SLC35F3: variants seen among roughly 807,000 people sequenced by gnomAD.
The protein encoded by SLC35F3 is putative thiamine transporter SLC35F3.
Under a neutral mutation model 49.9 loss-of-function variants are expected in SLC35F3, and 25 were observed. The observed-to-expected ratio is 0.50, with a 90% CI of 0.37 to 0.70. The LOEUF (loss-of-function observed/expected upper bound fraction) is 0.70. Ranked by LOEUF, SLC35F3 falls within the 30% of genes least tolerant of loss-of-function variation. The pLI, the probability that SLC35F3 is intolerant of heterozygous loss-of-function variation, is 0.00. For missense variants in SLC35F3, 525 were observed against 639.8 expected (o/e 0.82, Z 1.94); for synonymous variants, 275 against 265.4 (o/e 1.04, Z -0.35).
At chr1:234,194,121 A>G (rs1220840081) in intron 2 of SLC35F3, among the ~76,000 whole-genome samples, 2 of 128,168 alleles carry the variant, frequency 1.6e-5, no homozygotes, top group Admixed American at 7.7e-5. Context: ...TACCCAGAGG[A>G]AAAGAAGTCA....
chr1:233,918,844 T>TTG (rs1662015572), intron 2 of SLC35F3, among the ~76,000 whole-genome samples: 1 of 150,094 alleles, frequency 6.7e-6, no homozygotes, highest in East Asian at 2.0e-4. Flanking sequence ...ATTTGTGTGT[T>TTG]TGTGTGTGTG....
intron 2 of SLC35F3, among the ~76,000 whole-genome samples, chr1:233,958,118 A>G (rs953971788): frequency 1.3e-5 from 2 of 152,292 alleles, no homozygotes; most frequent in Non-Finnish European, 2.9e-5. Context: ...CATGGACATA[A>G]TGTCACCACT....
chr1:234,015,561 A>G (rs1663790870), intron 2 of SLC35F3, among the ~76,000 whole-genome samples: 1 of 152,190 alleles, frequency 6.6e-6, no homozygotes, highest in Non-Finnish European at 1.5e-5. Context: ...TATGGGGGAA[A>G]GGTCAGTCTC....
At chr1:234,281,670 A>G (rs537353703) in intron 3 of SLC35F3, among the ~76,000 whole-genome samples, 1 of 152,358 alleles carries the variant, frequency 6.6e-6, no homozygotes, top group African/African-American at 2.4e-5. Flanking sequence ...TAGGCAGCTC[A>G]GTTTTGTTCT....
intron 2 of SLC35F3, among the ~76,000 whole-genome samples, chr1:234,012,219 G>A (rs942393748): frequency 6.6e-6 from 1 of 152,192 alleles, no homozygotes; most frequent in Non-Finnish European, 1.5e-5. Flanking sequence ...AACATGTCTC[G>A]CCTCCCGCCA....
intron 2 of SLC35F3, among the ~76,000 whole-genome samples, chr1:234,219,784 G>A (rs1452988583): frequency 1.3e-5 from 2 of 152,302 alleles, no homozygotes; most frequent in Non-Finnish European, 2.9e-5. Context: ...CACACTCCAG[G>A]TGACGGCCTA....
chr1:234,075,926 C>G (rs1317044091), intron 2 of SLC35F3, among the ~76,000 whole-genome samples: 3 of 152,160 alleles, frequency 2.0e-5, no homozygotes, highest in Non-Finnish European at 2.9e-5. Flanking sequence ...ACCACACCCG[C>G]GCTTTTTTGC....
intron 2 of SLC35F3, among the ~76,000 whole-genome samples, chr1:234,152,261 T>C (rs1658217226): frequency 6.6e-6 from 1 of 151,256 alleles, no homozygotes; most frequent in African/African-American, 2.4e-5. Flanking sequence ...ATACTTTAAA[T>C]TCTGGGATAC....
intron 2 of SLC35F3, among the ~76,000 whole-genome samples, chr1:234,073,313 TA>T (rs962309003): frequency 1.6e-4 from 24 of 151,866 alleles, no homozygotes; most frequent in African/African-American, 4.3e-4. Context: ...CTGGCTAATT[TA>T]AAAAAAAATT....
At chr1:234,217,275 A>T (rs1372810861) in intron 2 of SLC35F3, among the ~76,000 whole-genome samples, 1 of 152,252 alleles carries the variant, frequency 6.6e-6, no homozygotes, top group East Asian at 1.9e-4. Context: ...AAACACAGGA[A>T]GATGGGCAAG....
intron 2 of SLC35F3, among the ~76,000 whole-genome samples, chr1:233,925,734 T>C (rs539105618): frequency 1.4e-4 from 21 of 152,360 alleles, no homozygotes; most frequent in Admixed American, 3.9e-4. Flanking sequence ...GCATCGATGG[T>C]CTTTACAATT....
At chr1:233,945,918 CA>C (rs1172900573) in intron 2 of SLC35F3, among the ~76,000 whole-genome samples, 1 of 152,220 alleles carries the variant, frequency 6.6e-6, no homozygotes, top group East Asian at 1.9e-4. Context: ...CAGACTAATA[CA>C]GATACATTCA....
At chr1:234,054,767 T>C (rs563868793) in intron 2 of SLC35F3, among the ~76,000 whole-genome samples, 142 of 152,290 alleles carry the variant, frequency 9.3e-4, no homozygotes, top group East Asian at 7.7e-4. Context: ...TCTCCCCATC[T>C]TTGTGGTTTT....
At chr1:234,199,796 A>G (rs910344226) in intron 2 of SLC35F3, among the ~76,000 whole-genome samples, 1 of 152,242 alleles carries the variant, frequency 6.6e-6, no homozygotes, top group Non-Finnish European at 1.5e-5. Flanking sequence ...CTCAATAGCA[A>G]GAAAACAAAT....
At chr1:234,239,184 G>A (rs1469632195) in intron 3 of SLC35F3, among the ~76,000 whole-genome samples, 3 of 152,186 alleles carry the variant, frequency 2.0e-5, no homozygotes, top group Admixed American at 6.5e-5. Context: ...GAAATCAAAG[G>A]TGGGAAGCAA....
At chr1:234,247,655 G>T (rs1294919517) in intron 3 of SLC35F3, among the ~76,000 whole-genome samples, 1 of 151,860 alleles carries the variant, frequency 6.6e-6, no homozygotes, top group Non-Finnish European at 1.5e-5. Flanking sequence ...TGGGGGGCTG[G>T]TTGGCTGGTC....
chr1:234,227,885 A>G (rs984258076), intron 2 of SLC35F3, among the ~76,000 whole-genome samples: 4 of 152,198 alleles, frequency 2.6e-5, no homozygotes, highest in Non-Finnish European at 4.4e-5. Flanking sequence ...TTGAGCATCA[A>G]TTGGCCAGTT....
intron 2 of SLC35F3, among the ~76,000 whole-genome samples, chr1:234,112,433 C>T (rs571189205): frequency 1.3e-5 from 2 of 152,274 alleles, no homozygotes; most frequent in South Asian, 4.1e-4. Context: ...CCTTTTCTCT[C>T]ATGTGACTCA....
chr1:234,060,638 G>T (rs1249877018), intron 2 of SLC35F3, among the ~76,000 whole-genome samples: 1 of 152,050 alleles, frequency 6.6e-6, no homozygotes, highest in Non-Finnish European at 1.5e-5. Flanking sequence ...TTTTGGTAGA[G>T]ACCGGGTTTT....
Sources: gnomAD v4.1 joint callset for allele counts (sites outside exome capture counted in the v4.1 genomes callset) on GRCh38, gnomAD v4.1.1 for gene constraint, MANE v1.5 for transcripts, NCBI Gene and HGNC (gene_info 2026-07-23, HGNC 2026-07-21) for gene names.